The following CSMD2 variants were observed in gnomAD, a reference collection of about 807,000 sequenced individuals.
The protein encoded by CSMD2 is CUB and sushi domain-containing protein 2.
In CSMD2, 130 loss-of-function variants were observed where a neutral mutation model predicts 398.5. The ratio of observed to expected loss-of-function variants is 0.33; its 90% CI spans 0.28 to 0.38. The LOEUF is 0.38. Ranked by LOEUF, CSMD2 falls within the 10% of genes least tolerant of loss-of-function variation. The pLI is 1.00. For synonymous variants in CSMD2, 1,828 were observed against 1,908.5 expected (o/e 0.96, Z 1.10); for missense variants, 3,829 against 4,764.9 (o/e 0.80, Z 5.78).
rs750211998 is a variant in CSMD2 at position 33,810,872 on chromosome 1, G to A, written c.1325-8C>T. On this transcript the variant is annotated splice_polypyrimidine_tract_variant and splice_region_variant and intron_variant, in intron 9 of 70. Coordinates refer to ENST00000373381, the MANE Select transcript of CSMD2 (RefSeq NM_001281956.2). ...GGGCATCACACATGCGGGCTGCAGA[G>A]GAGATGAAAGACAAGCCTTTGAATT... 1.5e-5 allele frequency: 24 copies of A among 1,609,356 alleles called. No homozygotes were observed. In the East Asian group the frequency reaches 2.3e-4, roughly 15 times the overall value.
chr1:33,893,413 A>G (rs903305316), intron 5 of CSMD2, among the ~76,000 whole-genome samples: 1 of 152,146 alleles, frequency 6.6e-6, no homozygotes, highest in African/African-American at 2.4e-5. Flanking sequence ...AGAGGATAGG[A>G]GAGGGGAAAG....
chr1:33,537,031 C>G lies in CSMD2; in HGVS notation c.9870G>C (p.Gln3290His), dbSNP rs200031290. 1.9e-6 allele frequency: 3 copies of G among 1,614,148 alleles called. No homozygotes were observed. Among genetic ancestry groups the G allele is most frequent in the Admixed American group, 3.3e-5 (2 of 60,026 alleles). ...TGGCTGACCTCCTTACCTGGTAGCC[C>G]TGAGAATTGTTCTGTATCCCAAACT... ...VPQFGIQNNS[Q>H]GYQVGSTVLF... Residue 3290 changes from glutamine to histidine, a missense_variant, in exon 62 of 71, where the codon CAG becomes CAC. By Grantham distance (24) the Gln-to-His change is conservative. This residue lies in a region of CSMD2 where 917 missense variants were observed against 1,199.5 expected (regional missense o/e 0.76). Transcript: ENST00000373381. This position sits in a 1 kb window ranked among gnomAD's most constrained non-coding sequence, Gnocchi z 4.6.
intron 44 of CSMD2, among the ~76,000 whole-genome samples, chr1:33,595,569 A>G (rs1570875843): frequency 1.3e-5 from 2 of 152,182 alleles, no homozygotes; most frequent in Admixed American, 6.5e-5. Flanking sequence ...GTGGATATAC[A>G]TAGTGTTCTG....
chr1:33,597,835 G>A (rs1215373300), intron 44 of CSMD2, among the ~76,000 whole-genome samples: 2 of 152,170 alleles, frequency 1.3e-5, no homozygotes, highest in East Asian at 1.9e-4. Context: ...CAACTTAAGT[G>A]TTAACAGTAG....
chr1:34,145,315 G>A (rs747107521), intron 1 of CSMD2, among the ~76,000 whole-genome samples: 1 of 152,220 alleles, frequency 6.6e-6, no homozygotes, highest in Admixed American at 6.5e-5. Context: ...GCCATAAGAA[G>A]TTGGGAGGGG....
rs368705222 is a variant in CSMD2 at position 34,081,685 on chromosome 1, G to A, written c.404+7292C>T. Among the ~76,000 whole-genome samples, 730 of 152,360 alleles carry A rather than the reference G, an allele frequency of 4.8e-3. 2 individuals carry two copies. The highest frequency in any genetic ancestry group is 0.017 in the African/African-American group (697 of 41,594). On this transcript the variant is annotated intron_variant, in intron 2 of 70. Transcript: ENST00000373381. ...TCTGCCCGCCTCGGCCTCCCGAGGT[G>A]CCTCGCTCACTCAGTGCTCAATGTT...
intron 3 of CSMD2, among the ~76,000 whole-genome samples, chr1:33,979,522 C>T (rs1646090210): frequency 6.6e-6 from 1 of 152,220 alleles, no homozygotes; most frequent in Non-Finnish European, 1.5e-5. Context: ...TCCAGACTGG[C>T]TGGCAGAGCG....
At position 33,709,013 on chromosome 1, in the gene CSMD2, A is replaced by G. The variant is rs1278195795; in HGVS notation, c.3576+76T>C. On this transcript the variant is annotated intron_variant, in intron 22 of 70. Coordinates refer to ENST00000373381, the MANE Select transcript of CSMD2 (RefSeq NM_001281956.2). ...GAAGGAGAAAGTTTGGATCATTCAC[A>G]CAGAGACAAAGGAGTGAGTATTGAC... 35 of 1,312,318 alleles carry G rather than the reference A, an allele frequency of 2.7e-5. No homozygotes were observed. The Admixed American group carries it at 7.5e-4, about 28-fold the overall frequency. The allele number at this position is 1,312,318 out of a possible 1,614,324, so 81.3% of individuals were successfully genotyped here.
rs1232932331 is a variant in CSMD2 at position 33,743,499 on chromosome 1, G to T, written c.1954C>A (p.Pro652Thr). The change falls in exon 14 of 71, where the codon CCT (proline) becomes ACT (threonine). Residue 652 changes from proline (P) to threonine (T), a missense_variant. Pro to Thr is a conservative substitution (Grantham distance 38). Transcript: ENST00000373381. ...AAGGCCAGGTGGATGCGGCTCTCAG[G>T]CCTGGCCAGGATGAGCCAGACACAG... ...LHCVWLILAR[P>T]ESRIHLAFND... 3 of 1,613,956 alleles carry T rather than the reference G, an allele frequency of 1.9e-6. No homozygotes were observed. The highest frequency in any genetic ancestry group is 2.5e-6 in the Non-Finnish European group (3 of 1,180,042).
intron 5 of CSMD2, among the ~76,000 whole-genome samples, chr1:33,872,718 A>G (rs775241384): frequency 1.3e-5 from 2 of 152,226 alleles, no homozygotes; most frequent in Non-Finnish European, 2.9e-5. Context: ...GAACAGAGAC[A>G]GTACAAAATA....
At chr1:33,579,329 C>T (rs1358592962) in intron 48 of CSMD2, among the ~76,000 whole-genome samples, 1 of 152,170 alleles carries the variant, frequency 6.6e-6, no homozygotes, top group Non-Finnish European at 1.5e-5. Context: ...AGTACCTTGC[C>T]TAATAATCCC....
chr1:33,537,413 C>T lies in CSMD2; in HGVS notation c.9805+23G>A, dbSNP rs1655903147. 5.0e-6 allele frequency: 8 copies of T among 1,594,884 alleles called. No homozygotes were observed. The highest frequency in any genetic ancestry group is 6.8e-6 in the Non-Finnish European group (8 of 1,169,346). On this transcript the variant is annotated intron_variant, in intron 61 of 70. Transcript: ENST00000373381. This position sits in a 1 kb window ranked among gnomAD's most constrained non-coding sequence, Gnocchi z 4.6. ...CTCCCGCAACCCCAGCCAAGACGCTCCCTGCTCCAGATGACCTCTCACCTA... is the reference window on the plus strand; with the variant it reads ...CTCCCGCAACCCCAGCCAAGACGCTTCCTGCTCCAGATGACCTCTCACCTA...
intron 9 of CSMD2, among the ~76,000 whole-genome samples, chr1:33,816,558 C>T (rs904811964): frequency 4.6e-5 from 7 of 152,146 alleles, no homozygotes; most frequent in Non-Finnish European, 7.3e-5. Context: ...GAATATTGGG[C>T]TCCATATGTA....
At chr1:34,069,325 G>A (rs1237903516) in intron 2 of CSMD2, among the ~76,000 whole-genome samples, 2 of 152,166 alleles carry the variant, frequency 1.3e-5, no homozygotes, top group Non-Finnish European at 2.9e-5. Flanking sequence ...CTCTGGTCCC[G>A]TGAGTTCATG....
At position 34,085,037 on chromosome 1, in the gene CSMD2, A is replaced by G. The variant is rs952319434; in HGVS notation, c.404+3940T>C. On this transcript the variant is annotated intron_variant, in intron 2 of 70. Coordinates refer to ENST00000373381, the MANE Select transcript of CSMD2 (RefSeq NM_001281956.2). ...AAATGTGGCACAAATACACCATGGA[A>G]TACTATGTAGCCATAAAAAATGATG... 2.0e-5 allele frequency among the ~76,000 whole-genome samples: 3 copies of G among 152,258 alleles called. No individual in the cohort carries two copies. The East Asian group carries it at 5.8e-4, about 29-fold the overall frequency.
chr1:33,699,637 G>A (rs950421549), intron 23 of CSMD2, among the ~76,000 whole-genome samples: 1 of 152,120 alleles, frequency 6.6e-6, no homozygotes, highest in Non-Finnish European at 1.5e-5. Flanking sequence ...CCCAGACGAG[G>A]GGAAACCTGA....
At chr1:33,826,506 G>T (rs977182028) in intron 6 of CSMD2, among the ~76,000 whole-genome samples, 1 of 152,214 alleles carries the variant, frequency 6.6e-6, no homozygotes, top group Admixed American at 6.5e-5. Context: ...GCCAAGCCAA[G>T]CCCAGCCTAC....
chr1:33,749,320 C>T (rs537809068), intron 13 of CSMD2, among the ~76,000 whole-genome samples: 46 of 151,948 alleles, frequency 3.0e-4, no homozygotes, highest in Middle Eastern at 6.8e-3. Context: ...AGGATGGTCT[C>T]GATCTCCTGA....
chr1:33,602,511 T>A lies in CSMD2; in HGVS notation c.6568A>T (p.Thr2190Ser). The part of the protein sequence containing the change: ...CGGNITSSNG[T>S]VYSPGFPSPY... ...CTAGGGAACCCCGGGGAGTACACAG[T>A]GCCGTTGGAAGAAGTGATGTTCCCG... is the stretch of plus-strand genomic sequence containing the variant. Residue 2190 changes from threonine to serine, a missense_variant, in exon 43 of 71, where the codon ACT becomes TCT. Physicochemically the swap from Thr to Ser is moderately conservative, Grantham distance 58. Coordinates refer to ENST00000373381, the MANE Select transcript of CSMD2 (RefSeq NM_001281956.2). 1 of 1,603,842 alleles carries A rather than the reference T, an allele frequency of 6.2e-7. No individual in the cohort carries two copies. The highest frequency in any genetic ancestry group is 8.5e-7 in the Non-Finnish European group (1 of 1,175,422).
Sources: gnomAD v4.1 joint callset for allele counts (sites outside exome capture counted in the v4.1 genomes callset) on GRCh38, gnomAD v4.1.1 for gene constraint, gnomAD v4.1.1 regional missense constraint, Gnocchi (gnomAD v3.1) non-coding constraint, MANE v1.5 for transcripts, NCBI Gene and HGNC (gene_info 2026-07-23, HGNC 2026-07-21) for gene names.